Variants in FAM240B observed in about 807,000 individuals in gnomAD.
The protein encoded by FAM240B is protein FAM240B.
intron 2 of FAM240B, among the ~76,000 whole-genome samples, chr9:38,695,435 G>A (rs1215097496): frequency 6.6e-6 from 1 of 152,216 alleles, no homozygotes; most frequent in East Asian, 1.9e-4. Context: ...TGAGATGGGA[G>A]AATGGCGTGA....
chr9:38,709,523 T>A (rs1314166832), intron 1 of FAM240B, among the ~76,000 whole-genome samples: 2 of 152,120 alleles, frequency 1.3e-5, no homozygotes, highest in African/African-American at 2.4e-5. Context: ...GCAGAGACAA[T>A]CATTAGCTCT....
intron 1 of FAM240B, among the ~76,000 whole-genome samples, chr9:38,708,685 A>G (rs1821218541): frequency 6.6e-6 from 1 of 151,976 alleles, no homozygotes; most frequent in Admixed American, 6.6e-5. Flanking sequence ...TCATTCCCCA[A>G]ATGCCCCTCC....
At chr9:38,696,550 C>G (rs1208010952) in intron 2 of FAM240B, among the ~76,000 whole-genome samples, 1 of 152,108 alleles carries the variant, frequency 6.6e-6, no homozygotes, top group Non-Finnish European at 1.5e-5. Context: ...GGGGCAGTAC[C>G]GTCAAGACAT....
rs538304129 is a variant in FAM240B, at chr9:38,694,631, G to C, written c.*145C>G. ...ATAATAACTCCCATTAGCACTGGGG[G>C]AGGTTTCACATGTAAATCCCCTAGC... On this transcript the variant is annotated 3_prime_UTR_variant, in exon 3 of 3. Transcript: ENST00000637493. The C allele has an allele frequency of 2.5e-6, 1 of 395,146 alleles. No homozygotes were observed. The highest frequency in any genetic ancestry group is 2.1e-5 in the African/African-American group (1 of 48,674). The allele number at this position is 395,146 out of a possible 1,614,324, so 24.5% of individuals were successfully genotyped here.
At chr9:38,708,914 T>C (rs1268452804) in intron 1 of FAM240B, among the ~76,000 whole-genome samples, 1 of 152,198 alleles carries the variant, frequency 6.6e-6, no homozygotes, top group Non-Finnish European at 1.5e-5. Context: ...CCTTAGATCA[T>C]GGGGATAAGA....
intron 1 of FAM240B, among the ~76,000 whole-genome samples, chr9:38,709,251 T>G (rs1054158942): frequency 3.9e-5 from 6 of 152,148 alleles, no homozygotes; most frequent in African/African-American, 1.4e-4. Flanking sequence ...AAAGTGCATT[T>G]TGTTTGAGAT....
rs985882928 is a variant in FAM240B, at chr9:38,694,488, C to T, written c.*288G>A. The T allele has an allele frequency of 1.0e-5, 3 of 292,412 alleles. No homozygotes were observed. The highest frequency in any genetic ancestry group is 1.9e-5 in the Non-Finnish European group (3 of 159,314). 18.1% of individuals were successfully genotyped at this position (292,412 alleles called of 1,614,324 possible). The stretch of plus-strand genomic sequence containing the variant: ...CAAGGAAATGTGGAAATATACTAGG[C>T]TACATGGGTCTGTGAGACCTGGAGA... On this transcript the variant is annotated 3_prime_UTR_variant, in exon 3 of 3. Coordinates refer to ENST00000637493, the MANE Select transcript of FAM240B (RefSeq NM_001394922.1).
In FAM240B at chr9:38,703,977, C is replaced by A. The variant is rs975294952; in HGVS notation, c.23G>T (p.Arg8Leu). The change falls in exon 2 of 3, where the codon CGA becomes CTA. Residue 8 changes from arginine to leucine, a missense_variant. Transcript: ENST00000637493. MNNQYIR[R>L]EVFCCGTCHE... ...ACAAGTTCCACAGCAGAAGACTTCT[C>A]GACGGATGTATTGATTGTTCATCCC... The A allele has an allele frequency of 1.2e-5, 5 of 400,164 alleles. No individual in the cohort carries two copies. The highest frequency in any genetic ancestry group is 2.2e-5 in the Non-Finnish European group (5 of 226,090). 24.8% of individuals were successfully genotyped at this position (400,164 alleles called of 1,614,324 possible).
chr9:38,719,104 G>A (rs1360435395), intron 1 of FAM240B, among the ~76,000 whole-genome samples: 2 of 151,842 alleles, frequency 1.3e-5, no homozygotes, highest in African/African-American at 4.8e-5. Flanking sequence ...AATTACAGGG[G>A]CTTTGTGTTT....
chr9:38,695,497 C>A (rs1166565258), intron 2 of FAM240B, among the ~76,000 whole-genome samples: 2 of 152,184 alleles, frequency 1.3e-5, no homozygotes, highest in Admixed American at 6.5e-5. Flanking sequence ...TGCACTCCAG[C>A]CTGGGCGACA....
At chr9:38,718,898 T>C (rs907592834) in intron 1 of FAM240B, among the ~76,000 whole-genome samples, 3 of 140,448 alleles carry the variant, frequency 2.1e-5, no homozygotes, top group Non-Finnish European at 4.9e-5. Context: ...AAATACATTT[T>C]GATGTTTTTT....
intron 1 of FAM240B, among the ~76,000 whole-genome samples, chr9:38,713,982 A>T (rs546526608): frequency 2.2e-4 from 33 of 152,300 alleles, no homozygotes; most frequent in African/African-American, 7.5e-4. Context: ...GCAGAGCCCC[A>T]ATCTCTGTAA....
intron 1 of FAM240B, among the ~76,000 whole-genome samples, chr9:38,708,119 G>C (rs1034059568): frequency 6.6e-6 from 1 of 152,118 alleles, no homozygotes; most frequent in Non-Finnish European, 1.5e-5. Context: ...AGAAAACATG[G>C]CGTTTGGCTG....
chr9:38,716,467 G>A (rs1186531236), intron 1 of FAM240B, among the ~76,000 whole-genome samples: 5 of 70,148 alleles, frequency 7.1e-5, no homozygotes, highest in African/African-American at 1.7e-4. Context: ...GTGAGACTCC[G>A]CTCTTAAATA....
intron 1 of FAM240B, among the ~76,000 whole-genome samples, chr9:38,713,299 A>T (rs1821274951): frequency 6.6e-6 from 1 of 152,092 alleles, no homozygotes; most frequent in East Asian, 1.9e-4. Flanking sequence ...TAACACGGTG[A>T]AACCCCATCT....
chr9:38,696,581 G>T (rs1265380307), intron 2 of FAM240B, among the ~76,000 whole-genome samples: 4 of 152,116 alleles, frequency 2.6e-5, no homozygotes, highest in African/African-American at 9.7e-5. Flanking sequence ...AGGCCAAGGC[G>T]GGCAGATCAC....
In FAM240B at chr9:38,711,818, G is replaced by A. The variant is rs536633103; in HGVS notation, c.-3-7816C>T. Among the ~76,000 whole-genome samples, 7 of 151,852 alleles carry A rather than the reference G, an allele frequency of 4.6e-5. No individual in the cohort carries two copies. In the South Asian group the frequency reaches 1.0e-3, roughly 23 times the overall value. ...ATTATAGGCACGTGCCACCATATCC[G>A]GCTAATTTTTTTTGTTTTTAGTAGA... is the stretch of plus-strand genomic sequence containing the variant. On this transcript the variant is annotated intron_variant, in intron 1 of 2. Transcript: ENST00000637493.
chr9:38,714,907 C>T (rs556664481), intron 1 of FAM240B, among the ~76,000 whole-genome samples: 2 of 152,326 alleles, frequency 1.3e-5, no homozygotes, highest in East Asian at 3.9e-4. Flanking sequence ...TAGTGGAAGA[C>T]TGAATCTGAT....
chr9:38,715,106 T>C (rs1448156290), intron 1 of FAM240B, among the ~76,000 whole-genome samples: 1 of 152,204 alleles, frequency 6.6e-6, no homozygotes, highest in Non-Finnish European at 1.5e-5. Flanking sequence ...ACATGCATCT[T>C]CCTGACACCA....
Sources: gnomAD v4.1 joint callset for allele counts (sites outside exome capture counted in the v4.1 genomes callset) on GRCh38, gnomAD v4.1.1 for gene constraint, MANE v1.5 for transcripts, NCBI Gene and HGNC (gene_info 2026-07-23, HGNC 2026-07-21) for gene names.